The following TERB1 variants were observed in gnomAD, a reference collection of about 807,000 sequenced individuals.
TERB1 encodes telomere repeat binding bouquet formation protein 1.
Under a neutral mutation model 92.3 loss-of-function variants are expected in TERB1, and 63 were observed. The ratio of observed to expected loss-of-function variants is 0.68; its 90% CI spans 0.56 to 0.84. The LOEUF (loss-of-function observed/expected upper bound fraction) is 0.84. Among genes scored for constraint, TERB1 ranks in the 40% least tolerant of loss-of-function variants. The pLI is 0.00. For missense variants in TERB1, 709 were observed against 843.7 expected (o/e 0.84, Z 1.98); for synonymous variants, 252 against 283.9 (o/e 0.89, Z 1.13).
chr16:66,787,987 G>C (rs1396217082), intron 6 of TERB1, among the ~76,000 whole-genome samples, 182 bp downstream of exon 6: 1 of 152,168 alleles, frequency 6.6e-6, no homozygotes, highest in East Asian at 1.9e-4. Context: ...ACTTGAACCA[G>C]GTGGCAGAGG....
intron 11 of TERB1, among the ~76,000 whole-genome samples, chr16:66,775,709 ATTT>A (rs201460994): frequency 7.7e-6 from 1 of 129,590 alleles, no homozygotes; most frequent in Non-Finnish European, 1.6e-5. Flanking sequence ...TTTCAAAAGG[ATTT>A]TTTTTTTTTT....
intron 6 of TERB1, among the ~76,000 whole-genome samples, chr16:66,787,927 T>A (rs1171061161): frequency 6.6e-6 from 1 of 152,130 alleles, no homozygotes; most frequent in Admixed American, 6.5e-5. Flanking sequence ...TTGGGCATGA[T>A]AGCATGTGCC....
At chr16:66,786,815 G>A (rs148577424) in intron 6 of TERB1, among the ~76,000 whole-genome samples, 19 of 152,286 alleles carry the variant, frequency 1.2e-4, no homozygotes, top group Non-Finnish European at 2.4e-4. Context: ...AGAAGGTGAG[G>A]CTTGACTTCT....
chr16:66,761,650 T>G (rs1247622961), intron 16 of TERB1, among the ~76,000 whole-genome samples: 1 of 151,560 alleles, frequency 6.6e-6, no homozygotes, highest in Non-Finnish European at 1.5e-5. Context: ...TAGCCGGGTG[T>G]GGTGGCACAC....
At chr16:66,784,531 G>A (rs996747024) in intron 9 of TERB1, among the ~76,000 whole-genome samples, 1 of 151,444 alleles carries the variant, frequency 6.6e-6, no homozygotes, top group African/African-American at 2.4e-5. Context: ...ACAAGGTTTC[G>A]TCACATTGGC....
At chr16:66,759,493 C>T (rs183987474) in intron 16 of TERB1, among the ~76,000 whole-genome samples, 22 of 152,096 alleles carry the variant, frequency 1.4e-4, no homozygotes, top group Middle Eastern at 3.4e-3. Context: ...TGAACAGTTA[C>T]GGTGCTTTAG....
intron 9 of TERB1, among the ~76,000 whole-genome samples, chr16:66,784,767 T>G (rs892430879): frequency 1.4e-5 from 2 of 147,646 alleles, no homozygotes; most frequent in Non-Finnish European, 3.0e-5. Context: ...TTTTTTTTTT[T>G]TGAAACGGAG....
intron 3 of TERB1, among the ~76,000 whole-genome samples, chr16:66,795,097 A>G (rs916717315): frequency 1.3e-5 from 2 of 152,224 alleles, no homozygotes; most frequent in African/African-American, 4.8e-5. Context: ...TTCAGAACAC[A>G]TAAAGAATTC....
intron 11 of TERB1, among the ~76,000 whole-genome samples, chr16:66,776,919 T>A (rs1297529686): frequency 9.2e-6 from 1 of 108,538 alleles, no homozygotes; most frequent in Admixed American, 9.5e-5. Context: ...ATAATATTGG[T>A]GAAAGATGTT....
At chr16:66,800,022 A>C (rs1167252818) in intron 2 of TERB1, 1 of 152,202 alleles carries the variant, frequency 6.6e-6, no homozygotes, top group Non-Finnish European at 1.5e-5. Flanking sequence ...TTCAGCAAGA[A>C]AAGTAGCTGA....
Position 66,788,189 on chromosome 16 carries a change from A to G in TERB1, c.380T>C (p.Leu127Ser). The G allele has an allele frequency of 6.7e-7, 1 of 1,486,584 alleles. No homozygotes were observed. Among genetic ancestry groups the G allele is most frequent in the Non-Finnish European group, 9.0e-7 (1 of 1,115,780 alleles). 92.1% of individuals were successfully genotyped at this position (1,486,584 alleles called of 1,614,324 possible). ...NLKRMSVYVILVLVSNNRTGQ... is the reference protein window; with the variant it reads ...NLKRMSVYVISVLVSNNRTGQ... Reference sequence around the variant, plus strand: ...CTTACTATTATTTGAAACCAGAACCAAAATAACATAAACAGACATTCTTTT... The same window carrying G: ...CTTACTATTATTTGAAACCAGAACCGAAATAACATAAACAGACATTCTTTT... The change falls in exon 6 of 19, where the codon TTG (leucine) becomes TCG (serine). Residue 127 changes from leucine (L) to serine (S), a missense_variant. Coordinates refer to ENST00000433154, the MANE Select transcript of TERB1 (RefSeq NM_001136505.2).
In TERB1 at chr16:66,767,483, A is replaced by G. The variant is rs999495398; in HGVS notation, c.1712T>C (p.Ile571Thr). 8 of 1,519,694 alleles carry G rather than the reference A, an allele frequency of 5.3e-6. No individual in the cohort carries two copies. The highest frequency in any genetic ancestry group is 7.1e-6 in the Non-Finnish European group (8 of 1,131,680). 94.1% of individuals were successfully genotyped at this position (1,519,694 alleles called of 1,614,324 possible). ...TDPFTLCSDI[I>T]NKEVVSFLAT... ...TAGAAAACTGACTACTTCTTTATTT[A>G]TTATATCTGAACATAATGTAAATGG... The change falls in exon 16 of 19, where the codon ATA (isoleucine) becomes ACA (threonine). Residue 571 changes from isoleucine (I) to threonine (T), a missense_variant. Ile to Thr is a moderately conservative substitution (Grantham distance 89). Transcript: ENST00000433154.
intron 9 of TERB1, among the ~76,000 whole-genome samples, chr16:66,781,680 C>T (rs991361760): frequency 5.7e-4 from 86 of 151,856 alleles, no homozygotes; most frequent in African/African-American, 2.1e-3. Flanking sequence ...CCACCACGCC[C>T]GGCTAATTTT....
At chr16:66,801,882 A>T (rs1347753373), upstream of TERB1, among the ~76,000 whole-genome samples, 2 of 152,182 alleles carry the variant, frequency 1.3e-5, no homozygotes, top group Non-Finnish European at 2.9e-5. Flanking sequence ...GAAGCACAGG[A>T]CGGCGAAGCC....
chr16:66,761,132 G>GAA (rs2145065598), intron 16 of TERB1, among the ~76,000 whole-genome samples: 1 of 133,370 alleles, frequency 7.5e-6, no homozygotes, highest in South Asian at 2.5e-4. Context: ...AAAAAGAAAA[G>GAA]AAAAGAAAAA....
chr16:66,795,306 A>C (rs2018911073), intron 3 of TERB1, among the ~76,000 whole-genome samples: 1 of 152,170 alleles, frequency 6.6e-6, no homozygotes, highest in Non-Finnish European at 1.5e-5. Flanking sequence ...CTGATGGATA[A>C]ATACTCTTCA....
At chr16:66,794,931 A>C (rs1714533117) in intron 3 of TERB1, among the ~76,000 whole-genome samples, 1 of 151,654 alleles carries the variant, frequency 6.6e-6, no homozygotes, top group African/African-American at 2.4e-5. Context: ...AAACACACAC[A>C]CACACACACA....
At chr16:66,757,775 T>G (rs2018161016) in intron 18 of TERB1, among the ~76,000 whole-genome samples, 1 of 152,204 alleles carries the variant, frequency 6.6e-6, no homozygotes, top group African/African-American at 2.4e-5. Flanking sequence ...TATTTTAGTC[T>G]GCAGGTATTA....
At position 66,786,043 on chromosome 16, in the gene TERB1, AG is replaced by A; in HGVS notation, c.547del (p.Leu183CysfsTer28). On this transcript the variant is annotated frameshift_variant, in exon 8 of 19. Coordinates refer to ENST00000433154, the MANE Select transcript of TERB1 (RefSeq NM_001136505.2). LOFTEE classifies it high-confidence loss of function. ...YQLWSSVCST[L>X]CVCVNNPQND... ...TTGAGGATTGTTGACACAGACACAC[AG>A]AGTACTACACACTGAAGACCACAAC... 1 of 1,550,544 alleles carries A rather than the reference AG, an allele frequency of 6.4e-7. No individual in the cohort carries two copies. The highest frequency in any genetic ancestry group is 8.7e-7 in the Non-Finnish European group (1 of 1,146,330).
Sources: gnomAD v4.1 joint callset for allele counts (sites outside exome capture counted in the v4.1 genomes callset) on GRCh38, gnomAD v4.1.1 for gene constraint, MANE v1.5 for transcripts, NCBI Gene and HGNC (gene_info 2026-07-23, HGNC 2026-07-21) for gene names.